CARMIL3: variants seen among roughly 807,000 people sequenced by gnomAD.
The protein encoded by CARMIL3 is capping protein, Arp2/3 and myosin-I linker protein 3.
CARMIL3 carries 88 observed loss-of-function variants against 180.8 expected under a neutral mutation model. That is an observed-to-expected ratio of 0.49 (90% CI 0.41 to 0.58). The LOEUF (loss-of-function observed/expected upper bound fraction) is 0.58, where lower values mean the gene tolerates loss of function less well. CARMIL3 is among the 20% of genes least tolerant of loss of function. The pLI, the probability that CARMIL3 is intolerant of heterozygous loss-of-function variation, is 0.00. For missense variants in CARMIL3, 1,548 were observed against 1,787.0 expected (o/e 0.87, Z 2.41); for synonymous variants, 696 against 714.5 (o/e 0.97, Z 0.41).
chr14:24,069,443 C>G lies in CARMIL3; in HGVS notation c.*39C>G, dbSNP rs376949566. ...ACCCTCCTCAGCCCTCGACATGTGC[C>G]TCGCAAGGACTCAGACCCCTATCCA... On this transcript the variant is annotated 3_prime_UTR_variant, in exon 40 of 40. Coordinates refer to ENST00000342740, the MANE Select transcript of CARMIL3 (RefSeq NM_138360.4). 6.2e-7 allele frequency: 1 copy of G among 1,613,868 alleles called. No homozygotes were observed. The highest frequency in any genetic ancestry group is 8.5e-7 in the Non-Finnish European group (1 of 1,179,872).
rs959794770 is a variant in CARMIL3, at chr14:24,065,284, CA to C, written c.3396+12del. On this transcript the variant is annotated intron_variant, in intron 33 of 39. Transcript: ENST00000342740. ...TTCCGCCGGAAGATGGTAAGTGAGG[CA>C]GGGGGTGCTGTGTCTTCCCCTTTTC... 3 of 1,517,910 alleles carry C rather than the reference CA, an allele frequency of 2.0e-6. No homozygotes were observed. Among genetic ancestry groups the C allele is most frequent in the African/African-American group, 2.8e-5 (2 of 71,844 alleles). The allele number at this position is 1,517,910 out of a possible 1,614,324, so 94.0% of individuals were successfully genotyped here.
rs1225151083 is a variant in CARMIL3 at position 24,059,207 on chromosome 14, G to A, written c.1626+18G>A. ...AGGACTGTGTGAGTGCCTGGGCCTGGGAGGGGACCTGCAGTCGGAGGAGGC... is the reference window on the plus strand; with the variant it reads ...AGGACTGTGTGAGTGCCTGGGCCTGAGAGGGGACCTGCAGTCGGAGGAGGC... On this transcript the variant is annotated intron_variant, in intron 20 of 39. Transcript: ENST00000342740. The surrounding 1 kb of genome is among the most constrained non-coding windows in gnomAD (Gnocchi z 6.3). The A allele has an allele frequency of 1.2e-6, 2 of 1,613,534 alleles. No individual in the cohort carries two copies. The highest frequency in any genetic ancestry group is 1.7e-6 in the Non-Finnish European group (2 of 1,179,902).
At position 24,054,948 on chromosome 14, in the gene CARMIL3, C is replaced by A; in HGVS notation, c.461-118C>A. 1.4e-6 allele frequency: 2 copies of A among 1,402,718 alleles called. No individual in the cohort carries two copies. Among genetic ancestry groups the A allele is most frequent in the Non-Finnish European group, 2.0e-6 (2 of 1,004,310 alleles). 86.9% of individuals were successfully genotyped at this position (1,402,718 alleles called of 1,614,324 possible). A position where few individuals can be genotyped will look rare whatever the true frequency, so the allele number is the denominator to read the frequency against. ...CCCAGCTCCCAGACCTCAGGAAGTTCATGGCATAGCAAGAACCAAGAGCAC... is the reference window on the plus strand; with the variant it reads ...CCCAGCTCCCAGACCTCAGGAAGTTAATGGCATAGCAAGAACCAAGAGCAC... On this transcript the variant is annotated intron_variant, in intron 6 of 39. Transcript: ENST00000342740. The surrounding 1 kb of genome is among the most constrained non-coding windows in gnomAD (Gnocchi z 5.1).
chr14:24,055,387 TC>T, intron 8 of CARMIL3, 77 bp downstream of exon 8: 1 of 1,545,654 alleles, frequency 6.5e-7, no homozygotes, highest in East Asian at 2.2e-5. Flanking sequence ...GGAGTGCCCT[TC>T]TGGTCCCACA....
intron 10 of CARMIL3, 137 bp from the exon 11 acceptor site, chr14:24,056,162 C>G (rs1335203598): frequency 1.5e-6 from 1 of 676,012 alleles, no homozygotes; most frequent in Admixed American, 2.6e-5. Context: ...CCCTGGCAGG[C>G]CCTGAGCTGT....
intron 12 of CARMIL3, 35 bp from the exon 13 acceptor site, chr14:24,056,880 A>T: frequency 6.3e-7 from 1 of 1,597,166 alleles, no homozygotes. Flanking sequence ...AGGTGGGGCT[A>T]GGGGCCAACC....
rs2035688439 is a variant in CARMIL3, at chr14:24,057,897, A to T, written c.1217+18A>T. ...TCCCACAGGTGGGAGAGGAGGGGGA[A>T]GGGAGGACAGGGCAAGACATGGCCA... is the stretch of plus-strand genomic sequence containing the variant. On this transcript the variant is annotated intron_variant, in intron 15 of 39. Coordinates refer to ENST00000342740, the MANE Select transcript of CARMIL3 (RefSeq NM_138360.4). The T allele has an allele frequency of 6.2e-7, 1 of 1,612,822 alleles. No homozygotes were observed. Among genetic ancestry groups the T allele is most frequent in the South Asian group, 1.1e-5 (1 of 91,058 alleles).
In CARMIL3 at chr14:24,061,769, G is replaced by A; in HGVS notation, c.2480+97G>A. On this transcript the variant is annotated intron_variant, in intron 27 of 39. Transcript: ENST00000342740. The surrounding 1 kb of genome is among the most constrained non-coding windows in gnomAD (Gnocchi z 4.1). ...AGCTATCAGCAATGAATAATGAATG[G>A]CACAATCTCCATTACAAGGATCAAT... is the stretch of plus-strand genomic sequence containing the variant. The A allele has an allele frequency of 7.8e-7, 1 of 1,278,036 alleles. No individual in the cohort carries two copies. Among genetic ancestry groups the A allele is most frequent in the South Asian group, 1.4e-5 (1 of 70,302 alleles). 79.2% of individuals were successfully genotyped at this position (1,278,036 alleles called of 1,614,324 possible).
chr14:24,056,479 T>A, intron 11 of CARMIL3, 86 bp downstream of exon 11: 1 of 1,491,070 alleles, frequency 6.7e-7, no homozygotes, highest in Non-Finnish European at 9.3e-7. Flanking sequence ...ACAGCAGCTC[T>A]CCAGCCTGAT....
At position 24,065,229 on chromosome 14, in the gene CARMIL3, C is replaced by G; in HGVS notation, c.3352C>G (p.Pro1118Ala). The G allele has an allele frequency of 6.4e-7, 1 of 1,553,714 alleles. No homozygotes were observed. Among genetic ancestry groups the G allele is most frequent in the African/African-American group, 1.4e-5 (1 of 72,400 alleles). ...CCCAGAGGAGGAGAGCAGCCTCCTCCCTGGATTTGGTGGGGGCCGGGGACC... is the reference window on the plus strand; with the variant it reads ...CCCAGAGGAGGAGAGCAGCCTCCTCGCTGGATTTGGTGGGGGCCGGGGACC... ...WSPEEESSLL[P>A]GFGGGRGPSF... is the part of the protein sequence containing the mutation. Residue 1118 changes from proline to alanine, a missense_variant, in exon 33 of 40, where the codon CCT becomes GCT. Pro to Ala is a conservative substitution (Grantham distance 27). Around this residue, in one of 4 missense-constraint regions of CARMIL3, gnomAD observed 668 missense variants for 687.8 expected, o/e 0.97. Transcript: ENST00000342740.
chr14:24,069,447 C>A lies in CARMIL3; in HGVS notation c.*43C>A, dbSNP rs745462156. 6.2e-7 allele frequency: 1 copy of A among 1,613,640 alleles called. No homozygotes were observed. Among genetic ancestry groups the A allele is most frequent in the Non-Finnish European group, 8.5e-7 (1 of 1,179,706 alleles). On this transcript the variant is annotated 3_prime_UTR_variant, in exon 40 of 40. Transcript: ENST00000342740. ...TCCTCAGCCCTCGACATGTGCCTCG[C>A]AAGGACTCAGACCCCTATCCACCCC...
chr14:24,063,353 A>C lies in CARMIL3; in HGVS notation c.2799A>C (p.Gln933His). 6.2e-7 allele frequency: 1 copy of C among 1,606,714 alleles called. No individual in the cohort carries two copies. Among genetic ancestry groups the C allele is most frequent in the African/African-American group, 1.3e-5 (1 of 74,836 alleles). The change falls in exon 31 of 40, where the codon CAA becomes CAC. Residue 933 changes from glutamine (Q) to histidine (H), a missense_variant. Physicochemically the swap from Gln to His is conservative, Grantham distance 24 (BLOSUM62 0). Transcript: ENST00000342740. ...GGAGCCCTCAGGACATGGAAAGCCA[A>C]CTGGGGAATCTGGGGATCCCCCCTG... ...ISGSPQDMES[Q>H]LGNLGIPPGW...
chr14:24,067,945 G>A (rs899299973), intron 36 of CARMIL3, among the ~76,000 whole-genome samples: 2 of 152,262 alleles, frequency 1.3e-5, no homozygotes, highest in Non-Finnish European at 1.5e-5. Flanking sequence ...AGCCTGGATG[G>A]GCAGCATGCC....
In CARMIL3 at chr14:24,061,784, C is replaced by T; in HGVS notation, c.2480+112C>T. 8.3e-7 allele frequency: 1 copy of T among 1,201,382 alleles called. No individual in the cohort carries two copies. The highest frequency in any genetic ancestry group is 1.2e-6 in the Non-Finnish European group (1 of 865,198). The allele number at this position is 1,201,382 out of a possible 1,614,324, so 74.4% of individuals were successfully genotyped here. A position where few individuals can be genotyped will look rare whatever the true frequency, so the allele number is the denominator to read the frequency against. On this transcript the variant is annotated intron_variant, in intron 27 of 39. Transcript: ENST00000342740. This position sits in a 1 kb window ranked among gnomAD's most constrained non-coding sequence, Gnocchi z 4.1. The stretch of plus-strand genomic sequence containing the variant: ...ATAATGAATGGCACAATCTCCATTA[C>T]AAGGATCAATCTTTAACCAAGTGCA...
chr14:24,062,619 A>T (rs774814900), intron 28 of CARMIL3, 52 bp downstream of exon 28: 3 of 1,613,440 alleles, frequency 1.9e-6, no homozygotes, highest in Non-Finnish European at 2.5e-6. Flanking sequence ...TCCACCCCAC[A>T]TTATCCTGTC....
intron 36 of CARMIL3, among the ~76,000 whole-genome samples, chr14:24,068,381 A>T (rs560651651): frequency 6.6e-6 from 1 of 150,566 alleles, no homozygotes; most frequent in South Asian, 2.1e-4. Context: ...TGGGTGACAG[A>T]GCAAAACTCC....
rs11851786 is a variant in CARMIL3, at chr14:24,052,820, C to T, written c.40+627C>T. Among the ~76,000 whole-genome samples, 529 of 152,318 alleles carry T rather than the reference C, an allele frequency of 3.5e-3. 4 individuals are homozygous for T. Among genetic ancestry groups the T allele is most frequent in the African/African-American group, 0.012 (498 of 41,580 alleles). ...GCTACCCACCACCCACACATCAAGG[C>T]TTCTCCCGTTTGCATGGTTCTCAGA... On this transcript the variant is annotated intron_variant, in intron 1 of 39. Transcript: ENST00000342740.
In CARMIL3 at chr14:24,063,499, C is replaced by G. The variant is rs1254793802; in HGVS notation, c.2945C>G (p.Pro982Arg). 8 of 1,613,368 alleles carry G rather than the reference C, an allele frequency of 5.0e-6. No individual in the cohort carries two copies. Among genetic ancestry groups the G allele is most frequent in the African/African-American group, 1.3e-5 (1 of 75,060 alleles). The change falls in exon 31 of 40, where the codon CCC becomes CGC. Residue 982 changes from proline (P) to arginine (R), a missense_variant. Pro to Arg is a moderately radical substitution (Grantham distance 103). Around this residue, in one of 4 missense-constraint regions of CARMIL3, gnomAD observed 668 missense variants for 687.8 expected, o/e 0.97. Coordinates refer to ENST00000342740, the MANE Select transcript of CARMIL3 (RefSeq NM_138360.4). ...RHQTQGRPRP[P>R]RTTPPGPGRP... is the part of the protein sequence containing the mutation. ...CAAACACAAGGGAGGCCCCGCCCCC[C>G]CAGGACCACACCTCCAGGACCTGGT...
intron 32 of CARMIL3, 37 bp downstream of exon 32, chr14:24,064,383 C>A: frequency 6.6e-7 from 1 of 1,504,432 alleles, no homozygotes; most frequent in South Asian, 1.2e-5. Flanking sequence ...TTCAGCAGGC[C>A]CCAAGGCCCT....
Sources: gnomAD v4.1 joint callset for allele counts (sites outside exome capture counted in the v4.1 genomes callset) on GRCh38, gnomAD v4.1.1 for gene constraint, gnomAD v4.1.1 regional missense constraint, Gnocchi (gnomAD v3.1) non-coding constraint, MANE v1.5 for transcripts, NCBI Gene and HGNC (gene_info 2026-07-23, HGNC 2026-07-21) for gene names.